The following TNR variants were observed in gnomAD, a reference collection of about 807,000 sequenced individuals.
The protein encoded by TNR is tenascin R.
In TNR, 45 loss-of-function variants were observed where a neutral mutation model predicts 150.4. The observed-to-expected ratio is 0.30, with a 90% confidence interval of 0.24 to 0.38. The LOEUF (loss-of-function observed/expected upper bound fraction) is 0.38. Ranked by LOEUF, TNR falls within the 10% of genes least tolerant of loss-of-function variation. The pLI, the probability that TNR is intolerant of heterozygous loss-of-function variation, is 1.00. For missense variants in TNR, 1,544 were observed against 1,759.1 expected, an observed-to-expected ratio of 0.88 and a Z score of 2.19; for synonymous variants, 687 against 678.4, an observed-to-expected ratio of 1.01 and a Z score of -0.20.
At chr1:175,584,910 A>G (rs1662506786) in intron 1 of TNR, among the ~76,000 whole-genome samples, 2 of 152,240 alleles carry the variant, frequency 1.3e-5, no homozygotes, top group South Asian at 4.1e-4. Flanking sequence ...ACTGTCAAGG[A>G]AGGGCTCCAA....
intron 6 of TNR, among the ~76,000 whole-genome samples, chr1:175,391,717 A>G (rs1264201309): frequency 6.6e-6 from 1 of 152,218 alleles, no homozygotes; most frequent in Non-Finnish European, 1.5e-5. Flanking sequence ...TTTGCCAATA[A>G]AAATTAGTGA....
At chr1:175,584,797 A>T (rs942864968) in intron 1 of TNR, among the ~76,000 whole-genome samples, 8 of 115,676 alleles carry the variant, frequency 6.9e-5, no homozygotes, top group East Asian at 2.7e-4. Context: ...GCCACATTTT[A>T]AAAAAAGTTT....
rs1347095172 is a variant in TNR, at chr1:175,321,666, A to G, written c.*1691T>C. 6.6e-6 allele frequency: 1 copy of G among 152,272 alleles called. No homozygotes were observed. Among genetic ancestry groups the G allele is most frequent in the South Asian group, 2.1e-4 (1 of 4,828 alleles). 9.4% of individuals were successfully genotyped at this position (152,272 alleles called of 1,614,324 possible). A position where few individuals can be genotyped will look rare whatever the true frequency, so the allele number is the denominator to read the frequency against. On this transcript the variant is annotated 3_prime_UTR_variant, in exon 23 of 23. Coordinates refer to ENST00000367674, the MANE Select transcript of TNR (RefSeq NM_003285.3). ...TAGAGCATCTAGCTCTCTTGGGCTT[A>G]AGATCAAATTGTGCTAGTGAAGACA...
At chr1:175,434,540 T>G (rs193219109) in intron 2 of TNR, among the ~76,000 whole-genome samples, 96 of 152,298 alleles carry the variant, frequency 6.3e-4, no homozygotes, top group Admixed American at 6.1e-3. Flanking sequence ...AAAAAAAGTT[T>G]ATCAAGTTAC....
chr1:175,525,839 C>A (rs1659827583), intron 2 of TNR, among the ~76,000 whole-genome samples: 1 of 152,186 alleles, frequency 6.6e-6, no homozygotes, highest in Non-Finnish European at 1.5e-5. Flanking sequence ...TTCATGACCA[C>A]CCATATACAG....
chr1:175,612,195 G>A (rs552195365), intron 1 of TNR, among the ~76,000 whole-genome samples: 1 of 152,264 alleles, frequency 6.6e-6, no homozygotes, highest in South Asian at 2.1e-4. Flanking sequence ...GTCACTCAGA[G>A]CACCTCCTCT....
At chr1:175,445,971 T>C (rs945196647) in intron 2 of TNR, among the ~76,000 whole-genome samples, 17 of 152,240 alleles carry the variant, frequency 1.1e-4, no homozygotes, top group Non-Finnish European at 2.4e-4. Context: ...ACACGGTTCC[T>C]GTGTGTCTGG....
intron 2 of TNR, among the ~76,000 whole-genome samples, chr1:175,416,416 T>C (rs1003502240): frequency 6.6e-6 from 1 of 151,852 alleles, no homozygotes; most frequent in Non-Finnish European, 1.5e-5. Context: ...AAATAATGAA[T>C]TCCTAATTAA....
rs758610631 is a variant in TNR at position 175,359,139 on chromosome 1, C to CTT, written c.2974+471_2974+472dup. On this transcript the variant is annotated intron_variant, in intron 15 of 22. Transcript: ENST00000367674. ...AGTTTGCAGAGTTTGGGGATATCTT[C>CTT]TTTTTTTTTTTTTTTTTTTTTTTTT... Among the ~76,000 whole-genome samples, 77 of 42,140 alleles carry CTT rather than the reference C, an allele frequency of 1.8e-3. 11 individuals are homozygous for CTT. Among genetic ancestry groups the CTT allele is most frequent in the East Asian group, 9.2e-3 (11 of 1,190 alleles). 27.6% of individuals were successfully genotyped at this position (42,140 alleles called of 152,430 possible). A position where few individuals can be genotyped will look rare whatever the true frequency, so the allele number is the denominator to read the frequency against.
intron 1 of TNR, among the ~76,000 whole-genome samples, chr1:175,689,490 C>T (rs1666294068): frequency 6.6e-6 from 1 of 152,158 alleles, no homozygotes; most frequent in Non-Finnish European, 1.5e-5. Context: ...TGCATGTTTT[C>T]ATTAACGCAG....
intron 18 of TNR, among the ~76,000 whole-genome samples, chr1:175,353,403 G>A (rs550637283): frequency 2.8e-4 from 42 of 152,310 alleles, no homozygotes; most frequent in Middle Eastern, 3.4e-3. Context: ...CAGATATTAG[G>A]TTATTTCCTG....
intron 18 of TNR, among the ~76,000 whole-genome samples, chr1:175,346,571 AT>A (rs1375161746): frequency 6.6e-6 from 1 of 152,202 alleles, no homozygotes; most frequent in Non-Finnish European, 1.5e-5. Flanking sequence ...ATGAAAAAAA[AT>A]AAAATGAAAA....
intron 2 of TNR, among the ~76,000 whole-genome samples, chr1:175,527,465 C>T (rs539665198): frequency 5.3e-5 from 8 of 152,178 alleles, no homozygotes; most frequent in South Asian, 2.1e-4. Flanking sequence ...AATGAGCTCC[C>T]GAACAAACTT....
chr1:175,507,796 C>A (rs1407129471), intron 2 of TNR, among the ~76,000 whole-genome samples: 1 of 152,226 alleles, frequency 6.6e-6, no homozygotes, highest in East Asian at 1.9e-4. Flanking sequence ...ATGTCTCTGT[C>A]TGGCACCAGC....
At chr1:175,657,314 T>C (rs1665208878) in intron 1 of TNR, among the ~76,000 whole-genome samples, 1 of 152,238 alleles carries the variant, frequency 6.6e-6, no homozygotes, top group Admixed American at 6.5e-5. Context: ...ACTTTTACAC[T>C]GTTGGTGGGA....
chr1:175,520,045 T>C (rs577460951), intron 2 of TNR, among the ~76,000 whole-genome samples: 1 of 152,352 alleles, frequency 6.6e-6, no homozygotes, highest in African/African-American at 2.4e-5. Flanking sequence ...ATGGAGATAG[T>C]AATATTTCCT....
At chr1:175,549,337 C>T (rs1229690522) in intron 1 of TNR, among the ~76,000 whole-genome samples, 1 of 152,210 alleles carries the variant, frequency 6.6e-6, no homozygotes, top group Non-Finnish European at 1.5e-5. Flanking sequence ...AAGGCAATAA[C>T]AATAGCAATG....
chr1:175,446,431 A>T (rs1656047661), intron 2 of TNR, among the ~76,000 whole-genome samples: 1 of 152,174 alleles, frequency 6.6e-6, no homozygotes. Flanking sequence ...AATTTCTGAA[A>T]TAAGGGTTGC....
At position 175,367,317 on chromosome 1, in the gene TNR, C is replaced by T. The variant is rs1425300094; in HGVS notation, c.1964-20G>A. ...CCAGATCTATCAGTGGATGGAGAAACAAACATTATTCTGTGTATGGGGCAG... is the reference window on the plus strand; with the variant it reads ...CCAGATCTATCAGTGGATGGAGAAATAAACATTATTCTGTGTATGGGGCAG... On this transcript the variant is annotated intron_variant, in intron 9 of 22. Transcript: ENST00000367674. The T allele has an allele frequency of 6.2e-7, 1 of 1,608,114 alleles. No individual in the cohort carries two copies. The highest frequency in any genetic ancestry group is 1.7e-5 in the Admixed American group (1 of 59,978).
Sources: gnomAD v4.1 joint callset for allele counts (sites outside exome capture counted in the v4.1 genomes callset) on GRCh38, gnomAD v4.1.1 for gene constraint, MANE v1.5 for transcripts, NCBI Gene and HGNC (gene_info 2026-07-23, HGNC 2026-07-21) for gene names.